Variants in ASPRV1 observed in about 807,000 individuals in gnomAD.
The protein encoded by ASPRV1 is retroviral-like aspartic protease 1.
Under a neutral mutation model 11.0 loss-of-function variants are expected in ASPRV1, and 7 were observed. That is an observed-to-expected ratio of 0.64 (90% confidence interval 0.36 to 1.20). ASPRV1 has a LOEUF of 1.20. Ranked by LOEUF, ASPRV1 falls within the 50% of genes most tolerant of loss-of-function variation. The pLI is 0.02. For synonymous variants in ASPRV1, 136 were observed against 138.4 expected (o/e 0.98, Z 0.12); for missense variants, 299 against 320.0 (o/e 0.93, Z 0.50).
chr2:69,965,573 C>A (rs1678313109), upstream of ASPRV1, among the ~76,000 whole-genome samples: 1 of 152,306 alleles, frequency 6.6e-6, no homozygotes, highest in Non-Finnish European at 1.5e-5. Flanking sequence ...GTTCCTGCGG[C>A]CTGACGACTT....
the ASPRV1 span, among the ~76,000 whole-genome samples, chr2:70,057,016 C>T: frequency 6.6e-6 from 1 of 151,764 alleles, no homozygotes; most frequent in Non-Finnish European, 1.5e-5. Flanking sequence ...GGATTATAGG[C>T]GTGAGCCACC....
chr2:70,053,078 C>CA, the ASPRV1 span, among the ~76,000 whole-genome samples: 1 of 152,150 alleles, frequency 6.6e-6, no homozygotes, highest in Non-Finnish European at 1.5e-5. Context: ...CTCAACCCCC[C>CA]ATATCCACCG....
chr2:69,958,681 C>T (rs573005017), downstream of ASPRV1, among the ~76,000 whole-genome samples: 1 of 152,102 alleles, frequency 6.6e-6, no homozygotes, highest in Non-Finnish European at 1.5e-5. Context: ...ATTGTTCCCT[C>T]GGGAGAGGGC....
chr2:70,079,157 G>A, the ASPRV1 span, among the ~76,000 whole-genome samples: 1 of 152,210 alleles, frequency 6.6e-6, no homozygotes, highest in Non-Finnish European at 1.5e-5. Flanking sequence ...AGACACCCAA[G>A]TGGAGATATC....
chr2:69,992,311 GCAAA>G, the ASPRV1 span, among the ~76,000 whole-genome samples: 4 of 152,224 alleles, frequency 2.6e-5, no homozygotes, highest in African/African-American at 9.6e-5. Flanking sequence ...CAATAAGGAA[GCAAA>G]CAAACAACTT....
chr2:69,936,953 A>G, the ASPRV1 span: 2 of 555,358 alleles, frequency 3.6e-6, no homozygotes, highest in Non-Finnish European at 7.1e-6. Flanking sequence ...AGTCTTTCTG[A>G]TACTAAAACT....
the ASPRV1 span, among the ~76,000 whole-genome samples, chr2:69,999,641 G>A: frequency 4.5e-4 from 57 of 125,864 alleles, no homozygotes; most frequent in Admixed American, 6.8e-4. Flanking sequence ...GAGTGACAGA[G>A]CAAGACTCTG....
the ASPRV1 span, among the ~76,000 whole-genome samples, chr2:70,042,686 C>T: frequency 6.6e-6 from 1 of 152,114 alleles, no homozygotes; most frequent in African/African-American, 2.4e-5. Flanking sequence ...TTCCACTAGA[C>T]CTCGTGTATG....
At chr2:70,018,460 T>C in the ASPRV1 span, among the ~76,000 whole-genome samples, 976 of 152,052 alleles carry the variant, frequency 6.4e-3, 12 homozygotes, top group African/African-American at 0.022. Flanking sequence ...AGACCCCAAA[T>C]AGCCAAAGCA....
At chr2:69,993,006 T>C in the ASPRV1 span, among the ~76,000 whole-genome samples, 14 of 152,212 alleles carry the variant, frequency 9.2e-5, no homozygotes, top group Middle Eastern at 3.2e-3. Flanking sequence ...AAGAAATACC[T>C]GGCTTTTCTT....
At chr2:70,064,382 A>G in the ASPRV1 span, among the ~76,000 whole-genome samples, 1 of 152,152 alleles carries the variant, frequency 6.6e-6, no homozygotes, top group Non-Finnish European at 1.5e-5. Context: ...TGAGCACAAC[A>G]TAAGCTTACA....
chr2:69,999,611 G>GTGCCACTGCACTCCAGCC, the ASPRV1 span, among the ~76,000 whole-genome samples: 1 of 144,518 alleles, frequency 6.9e-6, no homozygotes, highest in Non-Finnish European at 1.5e-5. Flanking sequence ...AGCTGAAATC[G>GTGCCACTGCACTCCAGCC]TGCCACTGCA....
chr2:69,938,017 G>A, the ASPRV1 span: 2 of 1,395,530 alleles, frequency 1.4e-6, no homozygotes, highest in Non-Finnish European at 2.0e-6. Flanking sequence ...AAAGTGCTGG[G>A]ATTACAAGCA....
chr2:69,960,436 C>CG lies in ASPRV1; in HGVS notation c.*220_*221insC. The CG allele has an allele frequency of 3.7e-6, 2 of 539,238 alleles. No homozygotes were observed. The highest frequency in any genetic ancestry group is 6.6e-6 in the Non-Finnish European group (2 of 304,178). The allele number at this position is 539,238 out of a possible 1,614,324, so 33.4% of individuals were successfully genotyped here. ...GCTTGATGACCATGGGGACCCTGTC[C>CG]CTCTAAGCCAGCCTGCTCTCCCTCA... On this transcript the variant is annotated 3_prime_UTR_variant, in exon 1 of 1. Transcript: ENST00000320256.
chr2:70,051,362 A>C, the ASPRV1 span: 2 of 152,250 alleles, frequency 1.3e-5, no homozygotes, highest in African/African-American at 4.8e-5. Context: ...AACATGGGAA[A>C]ACAGGCAATC....
chr2:69,973,476 A>AC, the ASPRV1 span, among the ~76,000 whole-genome samples: 347 of 152,026 alleles, frequency 2.3e-3, 2 homozygotes, highest in African/African-American at 7.9e-3. Context: ...GGCTCAAGAG[A>AC]TCCTCCTGCC....
At chr2:69,954,582 G>A in the ASPRV1 span, among the ~76,000 whole-genome samples, 1 of 152,186 alleles carries the variant, frequency 6.6e-6, no homozygotes, top group Non-Finnish European at 1.5e-5. Flanking sequence ...GAGGATCCAT[G>A]CTGGCCCCCG....
chr2:70,056,961 T>G, the ASPRV1 span, among the ~76,000 whole-genome samples: 1 of 152,040 alleles, frequency 6.6e-6, no homozygotes. Context: ...GGTCTCAAAC[T>G]CCTGACCTCA....
At chr2:70,007,651 A>G in the ASPRV1 span, among the ~76,000 whole-genome samples, 13 of 152,092 alleles carry the variant, frequency 8.5e-5, no homozygotes, top group East Asian at 3.8e-4. Flanking sequence ...AGAAAAGTAT[A>G]TATCATTTGA....
Sources: gnomAD v4.1 joint callset for allele counts (sites outside exome capture counted in the v4.1 genomes callset) on GRCh38, gnomAD v4.1.1 for gene constraint, MANE v1.5 for transcripts, NCBI Gene and HGNC (gene_info 2026-07-23, HGNC 2026-07-21) for gene names.